NDFIP1: variants seen among roughly 807,000 people sequenced by gnomAD.
The protein encoded by NDFIP1 is NEDD4 family-interacting protein 1.
Under a neutral mutation model 28.8 loss-of-function variants are expected in NDFIP1, and 7 were observed. The observed-to-expected ratio is 0.24, with a 90% confidence interval of 0.14 to 0.46. The LOEUF (loss-of-function observed/expected upper bound fraction) is 0.46, where lower values mean the gene tolerates loss of function less well. NDFIP1 is among the 20% of genes least tolerant of loss of function. The pLI, the probability that NDFIP1 is intolerant of heterozygous loss-of-function variation, is 0.99. For missense variants in NDFIP1, 194 were observed against 269.1 expected (o/e 0.72, Z 1.95); for synonymous variants, 92 against 101.0 (o/e 0.91, Z 0.53).
At chr5:142,120,193 C>T (rs1222829228) in intron 1 of NDFIP1, among the ~76,000 whole-genome samples, 4 of 152,068 alleles carry the variant, frequency 2.6e-5, no homozygotes, top group Non-Finnish European at 5.9e-5. Flanking sequence ...TGACCTCAGG[C>T]AATCTGCCCA....
intron 1 of NDFIP1, among the ~76,000 whole-genome samples, chr5:142,123,681 A>C (rs1311198741): frequency 6.6e-6 from 1 of 152,168 alleles, no homozygotes; most frequent in Non-Finnish European, 1.5e-5. Flanking sequence ...ATTTTATATA[A>C]ATTATTTTAA....
chr5:142,113,278 TG>T (rs1185757774), intron 1 of NDFIP1, among the ~76,000 whole-genome samples: 1 of 152,252 alleles, frequency 6.6e-6, no homozygotes, highest in Admixed American at 6.5e-5. Context: ...AGGAATATTT[TG>T]ATGAGCATAA....
At chr5:142,133,729 A>G (rs1052240017) in intron 3 of NDFIP1, among the ~76,000 whole-genome samples, 2 of 152,232 alleles carry the variant, frequency 1.3e-5, no homozygotes, top group Non-Finnish European at 2.9e-5. Context: ...TGTATAAAGC[A>G]CTTTTTAAAT....
intron 1 of NDFIP1, among the ~76,000 whole-genome samples, chr5:142,121,986 A>G (rs1757126805): frequency 6.6e-6 from 1 of 152,214 alleles, no homozygotes; most frequent in African/African-American, 2.4e-5. Context: ...CAGAGGGCTC[A>G]CAGTCTGCAT....
intron 6 of NDFIP1, among the ~76,000 whole-genome samples, chr5:142,141,168 CTTTTTTTTTTTTTTTT>C (rs1161113130): frequency 1.3e-4 from 8 of 59,940 alleles, no homozygotes; most frequent in Non-Finnish European, 1.8e-4. Flanking sequence ...GGCAAGAGGA[CTTTTTTTTTTTTTTTT>C]TTTTTTTTTT....
At chr5:142,117,326 C>T (rs937790740) in intron 1 of NDFIP1, among the ~76,000 whole-genome samples, 36 of 151,398 alleles carry the variant, frequency 2.4e-4, no homozygotes, top group African/African-American at 8.3e-4. Flanking sequence ...TCACTGCAAC[C>T]TCCGCCTCCT....
chr5:142,137,326 TTTTGTTTG>T (rs780596231), intron 4 of NDFIP1, among the ~76,000 whole-genome samples: 6 of 151,920 alleles, frequency 3.9e-5, no homozygotes, highest in African/African-American at 1.5e-4. Context: ...TGTGCCCGGC[TTTTGTTTG>T]TTTGTTTGTT....
Position 142,137,351 on chromosome 5 carries a change from G to GT in NDFIP1, c.371-376dup, listed in dbSNP as rs569907818. Among the ~76,000 whole-genome samples, 843 of 151,916 alleles carry GT rather than the reference G, an allele frequency of 5.5e-3. 6 individuals carry two copies. Among genetic ancestry groups the GT allele is most frequent in the Middle Eastern group, 0.017 (5 of 294 alleles). On this transcript the variant is annotated intron_variant, in intron 4 of 7. Coordinates refer to ENST00000253814, the MANE Select transcript of NDFIP1 (RefSeq NM_030571.4). The stretch of plus-strand genomic sequence containing the variant: ...TTTTGTTTGTTTGTTTGTTTGTTTT[G>GT]TTTTTTTCAGTTTTTGTAGAGATGG...
intron 1 of NDFIP1, among the ~76,000 whole-genome samples, chr5:142,116,308 ATATT>A (rs1313887380): frequency 9.3e-5 from 14 of 151,226 alleles, no homozygotes; most frequent in Admixed American, 5.3e-4. Context: ...CTTCATATGT[ATATT>A]TATTTATTTA....
At chr5:142,142,940 A>AAAAATATATATAT (rs60076432) in intron 6 of NDFIP1, 17 of 38,124 alleles carry the variant, frequency 4.5e-4, no homozygotes, top group Non-Finnish European at 7.0e-4. Context: ...AAAAAAAAAA[A>AAAAATATATATAT]ATATATATAT....
At chr5:142,140,394 G>A (rs981337204) in intron 5 of NDFIP1, among the ~76,000 whole-genome samples, 169 bp from the exon 6 acceptor site, 1 of 150,194 alleles carries the variant, frequency 6.7e-6, no homozygotes, top group African/African-American at 2.5e-5. Context: ...GTTGCAGTGA[G>A]CCGAGATCAC....
Position 142,135,832 on chromosome 5 carries a change from ATAT to A in NDFIP1, c.370+16_370+18del. ...AACTTTTTTCAGTAAGTATGTATGC[ATAT>A]CAGAACCACCCCCTACAAACTAGAG... On this transcript the variant is annotated intron_variant, in intron 4 of 7. Transcript: ENST00000253814. 6.3e-7 allele frequency: 1 copy of A among 1,580,206 alleles called. No homozygotes were observed. The highest frequency in any genetic ancestry group is 8.7e-7 in the Non-Finnish European group (1 of 1,149,666).
chr5:142,142,479 G>T (rs1301106284), intron 6 of NDFIP1, among the ~76,000 whole-genome samples: 1 of 152,070 alleles, frequency 6.6e-6, no homozygotes, highest in Non-Finnish European at 1.5e-5. Context: ...GGACCAAAGA[G>T]GAGCCCTTAA....
intron 6 of NDFIP1, chr5:142,144,026 A>ATAG (rs1408159035): frequency 1.3e-5 from 2 of 151,046 alleles, no homozygotes; most frequent in Non-Finnish European, 2.9e-5. Flanking sequence ...AATAATAATA[A>ATAG]TAGTAGACAA....
chr5:142,149,434 CTTTTTTTTT>C (rs10684292), intron 7 of NDFIP1, among the ~76,000 whole-genome samples: 3 of 114,712 alleles, frequency 2.6e-5, no homozygotes, highest in African/African-American at 1.0e-4. Flanking sequence ...TATTGGATTC[CTTTTTTTTT>C]TTTTTTTTTT....
chr5:142,112,751 A>C (rs1285229859), intron 1 of NDFIP1, among the ~76,000 whole-genome samples: 2 of 148,062 alleles, frequency 1.4e-5, no homozygotes, highest in Non-Finnish European at 1.5e-5. Context: ...GCGCCACTGC[A>C]CTCCAGGCTG....
intron 1 of NDFIP1, among the ~76,000 whole-genome samples, chr5:142,112,034 C>G (rs1561596646): frequency 7.0e-6 from 1 of 143,190 alleles, no homozygotes; most frequent in Non-Finnish European, 1.5e-5. Context: ...GCCACTGAAC[C>G]CCAGCCTGGG....
chr5:142,146,314 T>G (rs1436563179), intron 7 of NDFIP1, among the ~76,000 whole-genome samples: 1 of 152,248 alleles, frequency 6.6e-6, no homozygotes, highest in African/African-American at 2.4e-5. Context: ...CAGATGGATA[T>G]TCATACCACT....
At chr5:142,142,238 C>G (rs890257577) in intron 6 of NDFIP1, among the ~76,000 whole-genome samples, 4 of 152,084 alleles carry the variant, frequency 2.6e-5, no homozygotes, top group Non-Finnish European at 5.9e-5. Flanking sequence ...ATTCATCGCA[C>G]CATCTACCAC....
Sources: gnomAD v4.1 joint callset for allele counts (sites outside exome capture counted in the v4.1 genomes callset) on GRCh38, gnomAD v4.1.1 for gene constraint, MANE v1.5 for transcripts, NCBI Gene and HGNC (gene_info 2026-07-23, HGNC 2026-07-21) for gene names.